Variants in MVB12B observed in about 807,000 individuals in gnomAD.
MVB12B encodes the protein ESCRT-I complex subunit MVB12B.
In MVB12B, 16 loss-of-function variants were observed where a neutral mutation model predicts 41.6. The ratio of observed to expected loss-of-function variants is 0.38; its 90% CI spans 0.26 to 0.58. The LOEUF (loss-of-function observed/expected upper bound fraction) is 0.58, where lower values mean the gene tolerates loss of function less well. Among genes scored for constraint, MVB12B ranks in the 20% least tolerant of loss-of-function variants. The pLI is 0.62. For missense variants in MVB12B, 274 were observed against 380.2 expected (o/e 0.72, Z 2.32); for synonymous variants, 133 against 139.7 (o/e 0.95, Z 0.34).
In MVB12B at chr9:126,412,481, A is replaced by G. The variant is rs550154536; in HGVS notation, c.663-9373A>G. On this transcript the variant is annotated intron_variant, in intron 6 of 9. Coordinates refer to ENST00000361171, the MANE Select transcript of MVB12B (RefSeq NM_033446.3). ...CCAGCAGACACATTATATAGAAAACAAGGTGTCCCTTCAGCACCAAGCACC... is the reference window on the plus strand; with the variant it reads ...CCAGCAGACACATTATATAGAAAACGAGGTGTCCCTTCAGCACCAAGCACC... 2.8e-3 allele frequency among the ~76,000 whole-genome samples: 424 copies of G among 152,342 alleles called. 4 individuals carry two copies. The highest frequency in any genetic ancestry group is 9.5e-3 in the African/African-American group (393 of 41,568).
intron 7 of MVB12B, among the ~76,000 whole-genome samples, chr9:126,455,839 G>T (rs1832971187): frequency 6.6e-6 from 1 of 151,218 alleles, no homozygotes; most frequent in African/African-American, 2.4e-5. Context: ...TGCTGTCGTG[G>T]TGGTTCTAAG....
intron 2 of MVB12B, among the ~76,000 whole-genome samples, chr9:126,372,807 A>G (rs755531796): frequency 6.6e-6 from 1 of 152,228 alleles, no homozygotes; most frequent in African/African-American, 2.4e-5. Context: ...TGCTGGGATC[A>G]TCACAGAGGC....
At chr9:126,388,134 A>G (rs1830850721) in intron 4 of MVB12B, among the ~76,000 whole-genome samples, 1 of 151,886 alleles carries the variant, frequency 6.6e-6, no homozygotes, top group Non-Finnish European at 1.5e-5. Flanking sequence ...CCCAAAACCC[A>G]TTTTCAGGAT....
chr9:126,453,285 A>G (rs1832917142), intron 7 of MVB12B, among the ~76,000 whole-genome samples: 1 of 151,968 alleles, frequency 6.6e-6, no homozygotes, highest in African/African-American at 2.4e-5. Context: ...TCAAGGACAC[A>G]TGAACTTGTC....
At chr9:126,364,954 G>A (rs960870736) in intron 2 of MVB12B, among the ~76,000 whole-genome samples, 6 of 151,898 alleles carry the variant, frequency 4.0e-5, no homozygotes, top group African/African-American at 9.7e-5. Context: ...GGGTTTCACC[G>A]CGTTAGCCAG....
intron 6 of MVB12B, chr9:126,396,414 A>G: frequency 1.0e-6 from 1 of 985,534 alleles, no homozygotes; most frequent in Non-Finnish European, 1.2e-6. Flanking sequence ...AAAAGTAAAT[A>G]AAACAAGAAC....
intron 6 of MVB12B, among the ~76,000 whole-genome samples, chr9:126,401,661 G>A (rs1564311255): frequency 6.6e-6 from 1 of 152,214 alleles, no homozygotes; most frequent in Admixed American, 6.5e-5. Context: ...AAATCATGCC[G>A]TGGTGATCTA....
intron 1 of MVB12B, among the ~76,000 whole-genome samples, chr9:126,331,762 AG>A (rs1430171104): frequency 2.0e-5 from 3 of 152,230 alleles, no homozygotes; most frequent in African/African-American, 7.2e-5. Context: ...TGGACTCCAA[AG>A]GGGGCACCCA....
intron 6 of MVB12B, among the ~76,000 whole-genome samples, chr9:126,412,045 C>T (rs1174532965): frequency 1.3e-5 from 2 of 152,126 alleles, no homozygotes; most frequent in African/African-American, 4.8e-5. Context: ...AATAAGGTTC[C>T]CCAAACTGTC....
At chr9:126,413,818 TTGTGTG>T (rs34089808) in intron 6 of MVB12B, among the ~76,000 whole-genome samples, 31 of 109,478 alleles carry the variant, frequency 2.8e-4, no homozygotes, top group East Asian at 2.2e-3. Context: ...ACCCCATTGG[TTGTGTG>T]TGTGTGTGTG....
rs1374813645 is a variant in MVB12B, at chr9:126,468,128, G to C, written c.758-13241G>C. On this transcript the variant is annotated intron_variant, in intron 7 of 9. Coordinates refer to ENST00000361171, the MANE Select transcript of MVB12B (RefSeq NM_033446.3). The surrounding 1 kb of genome is among the most constrained non-coding windows in gnomAD (Gnocchi z 4.3). ...ACATTCTGATCTTCCCATTGTTTTT[G>C]CCAGCTTGGAACGTTAACATTCCTC... is the stretch of plus-strand genomic sequence containing the variant. Among the ~76,000 whole-genome samples the C allele has an allele frequency of 6.6e-6, 1 of 152,046 alleles. No homozygotes were observed. Among genetic ancestry groups the C allele is most frequent in the East Asian group, 1.9e-4 (1 of 5,176 alleles).
chr9:126,463,627 G>T (rs1281241230), intron 7 of MVB12B, among the ~76,000 whole-genome samples: 1 of 152,124 alleles, frequency 6.6e-6, no homozygotes, highest in Non-Finnish European at 1.5e-5. Context: ...GGAGGAAGAA[G>T]TCTGGGGCCC....
At chr9:126,339,885 A>G (rs1256149981) in intron 1 of MVB12B, among the ~76,000 whole-genome samples, 2 of 152,182 alleles carry the variant, frequency 1.3e-5, no homozygotes, top group Non-Finnish European at 2.9e-5. Flanking sequence ...GGTCAGTATC[A>G]TGACCTCCTT....
intron 6 of MVB12B, chr9:126,397,053 G>A (rs1831136684): frequency 1.0e-6 from 1 of 985,524 alleles, no homozygotes; most frequent in South Asian, 4.7e-5. Context: ...CATCACCTGT[G>A]TGTCGGGGTC....
chr9:126,417,687 T>A (rs999850070), intron 6 of MVB12B, among the ~76,000 whole-genome samples: 2 of 152,184 alleles, frequency 1.3e-5, no homozygotes, highest in Admixed American at 1.3e-4. Flanking sequence ...AAGTACAAAA[T>A]TGATGATATT....
intron 6 of MVB12B, chr9:126,396,994 C>G (rs990636241): frequency 1.0e-6 from 1 of 985,474 alleles, no homozygotes; most frequent in Admixed American, 6.1e-5. Context: ...GTCTCCTGTG[C>G]TCAAGGCTAT....
In MVB12B at chr9:126,341,943, C is replaced by T. The variant is rs186651459; in HGVS notation, c.204+1313C>T. The stretch of plus-strand genomic sequence containing the variant: ...TGTTCAAATGCTACACATCCCTTCT[C>T]CAACTGTTTGAAAGCTCATAAACAT... On this transcript the variant is annotated intron_variant, in intron 2 of 9. Transcript: ENST00000361171. Among the ~76,000 whole-genome samples the T allele has an allele frequency of 2.8e-3, 427 of 152,336 alleles. 3 individuals are homozygous for T. The highest frequency in any genetic ancestry group is 3.4e-3 in the Middle Eastern group (1 of 294).
intron 7 of MVB12B, among the ~76,000 whole-genome samples, chr9:126,450,199 A>G (rs1259185613): frequency 1.3e-5 from 2 of 152,246 alleles, no homozygotes; most frequent in African/African-American, 4.8e-5. Context: ...TGTGCAGAGC[A>G]GAGCCCCTGG....
At chr9:126,390,746 G>T (rs1160661578) in intron 4 of MVB12B, among the ~76,000 whole-genome samples, 1 of 152,108 alleles carries the variant, frequency 6.6e-6, no homozygotes, top group East Asian at 1.9e-4. Context: ...GGATCACGAG[G>T]TCAGGAGTTC....
Sources: allele counts gnomAD v4.1 joint callset (sites outside exome capture counted in the v4.1 genomes callset), GRCh38; gene constraint gnomAD v4.1.1; non-coding constraint Gnocchi (gnomAD v3.1); transcripts MANE v1.5; gene names NCBI Gene and HGNC (gene_info 2026-07-23, HGNC 2026-07-21).